The following DSE variants were observed in gnomAD, a reference collection of about 807,000 sequenced individuals.
DSE encodes the protein dermatan sulfate epimerase.
Under a neutral mutation model 84.4 loss-of-function variants are expected in DSE, and 36 were observed. The observed-to-expected ratio is 0.43, with a 90% CI of 0.33 to 0.56. DSE has a LOEUF of 0.56. Ranked by LOEUF, DSE falls within the 20% of genes least tolerant of loss-of-function variation. The pLI is 0.06. For missense variants in DSE, 862 were observed against 1,169.6 expected, an observed-to-expected ratio of 0.74 and a Z score of 3.84; for synonymous variants, 410 against 430.1, an observed-to-expected ratio of 0.95 and a Z score of 0.58.
intron 2 of DSE, among the ~76,000 whole-genome samples, chr6:116,348,095 G>T (rs1450060784): frequency 6.6e-6 from 1 of 152,172 alleles, no homozygotes; most frequent in Non-Finnish European, 1.5e-5. Context: ...ACCACAATGA[G>T]ATACCATCTC....
At chr6:116,289,733 T>A (rs535707289) in intron 2 of DSE, among the ~76,000 whole-genome samples, 6 of 152,088 alleles carry the variant, frequency 3.9e-5, no homozygotes, top group African/African-American at 1.4e-4. Flanking sequence ...TGATTCAATA[T>A]GAAAAGTTCA....
At chr6:116,290,641 A>T (rs550850363) in intron 2 of DSE, among the ~76,000 whole-genome samples, 1 of 152,286 alleles carries the variant, frequency 6.6e-6, no homozygotes, top group South Asian at 2.1e-4. Flanking sequence ...TTGAAAATCA[A>T]GGTTTGTTAT....
intron 1 of DSE, among the ~76,000 whole-genome samples, chr6:116,383,477 A>G (rs1471486292): frequency 6.6e-6 from 1 of 152,234 alleles, no homozygotes; most frequent in East Asian, 1.9e-4. Context: ...TTGCTAAGAC[A>G]GAATGAAATA....
At chr6:116,278,211 C>G (rs765873484) in intron 2 of DSE, 50 of 367,762 alleles carry the variant, frequency 1.4e-4, no homozygotes, top group Non-Finnish European at 2.0e-4. Context: ...TAAACAGGGT[C>G]CAAGCAGTGC....
intron 2 of DSE, among the ~76,000 whole-genome samples, chr6:116,271,317 A>C (rs560559814): frequency 5.1e-4 from 77 of 152,308 alleles, no homozygotes; most frequent in African/African-American, 1.7e-3. Context: ...GGGGTTCGAA[A>C]ATCTGCATTT....
intron 2 of DSE, chr6:116,400,522 T>TAATG (rs1478658154): frequency 1.3e-5 from 2 of 152,196 alleles, no homozygotes; most frequent in Admixed American, 1.3e-4. Flanking sequence ...TGAATGCACC[T>TAATG]AATGCTATGA....
intron 2 of DSE, among the ~76,000 whole-genome samples, chr6:116,364,828 C>CTTTT (rs1211909933): frequency 3.8e-5 from 5 of 131,188 alleles, no homozygotes; most frequent in East Asian, 2.2e-4. Context: ...TTTAGTAACA[C>CTTTT]TTTTTTTTTT....
intron 2 of DSE, among the ~76,000 whole-genome samples, chr6:116,281,427 T>G (rs1204148812): frequency 6.6e-6 from 1 of 152,216 alleles, no homozygotes; most frequent in Non-Finnish European, 1.5e-5. Context: ...TGAATACACC[T>G]TGGATTAAGG....
At chr6:116,265,979 C>T (rs1437900262) in intron 2 of DSE, among the ~76,000 whole-genome samples, 1 of 152,146 alleles carries the variant, frequency 6.6e-6, no homozygotes, top group Non-Finnish European at 1.5e-5. Flanking sequence ...AAGGGGTTCC[C>T]TTCTGCCAGG....
chr6:116,357,573 G>A (rs1008009755), intron 2 of DSE, among the ~76,000 whole-genome samples: 1 of 151,806 alleles, frequency 6.6e-6, no homozygotes, highest in African/African-American at 2.4e-5. Flanking sequence ...CATCAGCAGA[G>A]CCTTGCTTAT....
chr6:116,418,160 C>G (rs1782838695), intron 2 of DSE, among the ~76,000 whole-genome samples: 1 of 152,054 alleles, frequency 6.6e-6, no homozygotes, highest in South Asian at 2.1e-4. Flanking sequence ...ACCCTATCCT[C>G]AAATGTTGAC....
At chr6:116,392,418 A>G (rs1397700008) in intron 1 of DSE, among the ~76,000 whole-genome samples, 2 of 152,186 alleles carry the variant, frequency 1.3e-5, no homozygotes, top group African/African-American at 4.8e-5. Context: ...GGATATGGGC[A>G]CACTGGTTCT....
chr6:116,433,972 AT>A (rs1231424491), intron 5 of DSE, among the ~76,000 whole-genome samples: 1 of 152,198 alleles, frequency 6.6e-6, no homozygotes, highest in African/African-American at 2.4e-5. Context: ...AAAACACAAA[AT>A]TTAGACTAGG....
chr6:116,279,968 C>T (rs1433083273), intron 2 of DSE: 1 of 1,264,028 alleles, frequency 7.9e-7, no homozygotes, highest in East Asian at 2.4e-5. Context: ...CTGGAGATCT[C>T]ACGGTATCGC....
At chr6:116,399,138 C>T in intron 1 of DSE, 60 bp from the exon 2 acceptor site, 1 of 1,403,142 alleles carries the variant, frequency 7.1e-7, no homozygotes, top group Non-Finnish European at 9.8e-7. Context: ...TATATGTTTC[C>T]ACACCTGTGC....
chr6:116,311,841 G>T (rs1312628607), intron 2 of DSE, among the ~76,000 whole-genome samples: 1 of 152,028 alleles, frequency 6.6e-6, no homozygotes, highest in African/African-American at 2.4e-5. Context: ...CTGTTCTTCT[G>T]CATGATAGTT....
At chr6:116,298,122 A>G (rs1465395729) in intron 2 of DSE, among the ~76,000 whole-genome samples, 1 of 152,156 alleles carries the variant, frequency 6.6e-6, no homozygotes, top group Non-Finnish European at 1.5e-5. Context: ...CTGTGTCCTC[A>G]TTGCTTATCT....
intron 2 of DSE, among the ~76,000 whole-genome samples, chr6:116,351,779 C>T (rs567369364): frequency 6.6e-6 from 1 of 152,286 alleles, no homozygotes; most frequent in Admixed American, 6.5e-5. Flanking sequence ...TCTTTTCTGT[C>T]ATCAGAGTAT....
intron 2 of DSE, among the ~76,000 whole-genome samples, chr6:116,307,717 G>T (rs2114722064): frequency 6.6e-6 from 1 of 152,172 alleles, no homozygotes; most frequent in East Asian, 1.9e-4. Flanking sequence ...TTACACAGAG[G>T]CATTTCAGCA....
Sources: gnomAD v4.1 joint callset for allele counts (sites outside exome capture counted in the v4.1 genomes callset) on GRCh38, gnomAD v4.1.1 for gene constraint, MANE v1.5 for transcripts, NCBI Gene and HGNC (gene_info 2026-07-23, HGNC 2026-07-21) for gene names.